Variants in TOP6BL observed in about 807,000 individuals in gnomAD.
TOP6BL encodes the protein type 2 DNA topoisomerase 6 subunit B-like.
chr11:66,811,245 G>A, the TOP6BL span, among the ~76,000 whole-genome samples: 1 of 152,096 alleles, frequency 6.6e-6, no homozygotes, highest in Non-Finnish European at 1.5e-5. Context: ...TCAGCTTACT[G>A]CAACCTCTGC....
At chr11:66,758,170 T>C in the TOP6BL span, 14 of 981,004 alleles carry the variant, frequency 1.4e-5, no homozygotes, top group South Asian at 5.2e-4. Context: ...GTTCTGATCT[T>C]TTTGTCCCCT....
chr11:66,791,823 T>A, the TOP6BL span, among the ~76,000 whole-genome samples: 1 of 151,464 alleles, frequency 6.6e-6, no homozygotes, highest in Non-Finnish European at 1.5e-5. Flanking sequence ...TAATAATTTT[T>A]TTTTTTTTTT....
At chr11:66,843,087 G>A in the TOP6BL span, 2 of 1,585,008 alleles carry the variant, frequency 1.3e-6, no homozygotes, top group South Asian at 1.1e-5. Context: ...GGCGAGGGCC[G>A]CGCAGGGAAG....
the TOP6BL span, among the ~76,000 whole-genome samples, chr11:66,763,141 C>T: frequency 2.0e-5 from 3 of 152,174 alleles, no homozygotes; most frequent in Non-Finnish European, 2.9e-5. Flanking sequence ...TTTGAGGCTG[C>T]AGTGAGCTAT....
At chr11:66,788,232 A>G in the TOP6BL span, 1 of 1,613,852 alleles carries the variant, frequency 6.2e-7, no homozygotes. Context: ...TATTCTCAGG[A>G]TATGACAGGG....
At chr11:66,827,038 A>G in the TOP6BL span, among the ~76,000 whole-genome samples, 86 of 126,936 alleles carry the variant, frequency 6.8e-4, no homozygotes, top group Middle Eastern at 5.2e-3. Flanking sequence ...CTGGAGTGCA[A>G]TGGCGCGATC....
chr11:66,803,569 C>T, the TOP6BL span, among the ~76,000 whole-genome samples: 1 of 152,192 alleles, frequency 6.6e-6, no homozygotes. Context: ...GCTGGGATTA[C>T]AGGTGTGCAC....
At chr11:66,768,905 C>G in the TOP6BL span, among the ~76,000 whole-genome samples, 1 of 152,198 alleles carries the variant, frequency 6.6e-6, no homozygotes, top group Non-Finnish European at 1.5e-5. Context: ...GGCTCATTCT[C>G]TGGCTGAGTG....
chr11:66,782,148 CT>C, the TOP6BL span, among the ~76,000 whole-genome samples: 1 of 152,084 alleles, frequency 6.6e-6, no homozygotes, highest in Non-Finnish European at 1.5e-5. Flanking sequence ...TGGCTTTAGA[CT>C]TTTTTGGGGT....
chr11:66,811,114 T>C, the TOP6BL span, among the ~76,000 whole-genome samples: 1 of 152,072 alleles, frequency 6.6e-6, no homozygotes, highest in Non-Finnish European at 1.5e-5. Context: ...CCACCATACC[T>C]GGCTAATTTT....
chr11:66,790,978 G>A, the TOP6BL span, among the ~76,000 whole-genome samples: 2 of 152,214 alleles, frequency 1.3e-5, no homozygotes, highest in Admixed American at 1.3e-4. Context: ...AGGGAACAAG[G>A]ATTTCCTCAT....
At chr11:66,771,875 C>A in the TOP6BL span, among the ~76,000 whole-genome samples, 1 of 152,292 alleles carries the variant, frequency 6.6e-6, no homozygotes, top group South Asian at 2.1e-4. Flanking sequence ...GTCAAATGCA[C>A]TGCCAGAACA....
At chr11:66,745,321 A>T in the TOP6BL span, among the ~76,000 whole-genome samples, 2 of 91,088 alleles carry the variant, frequency 2.2e-5, no homozygotes. Context: ...GGGTGGGGGG[A>T]GTCGGGGCGC....
chr11:66,794,830 T>A, the TOP6BL span, among the ~76,000 whole-genome samples: 9 of 152,086 alleles, frequency 5.9e-5, no homozygotes, highest in East Asian at 1.9e-4. Flanking sequence ...TGAGCCTTTT[T>A]AAAAAAATCT....
At chr11:66,816,231 G>C in the TOP6BL span, 1 of 1,588,046 alleles carries the variant, frequency 6.3e-7, no homozygotes, top group South Asian at 1.1e-5. Flanking sequence ...TGCCAGCTGG[G>C]GTGTGCCAAA....
chr11:66,832,369 G>A, the TOP6BL span, among the ~76,000 whole-genome samples: 2 of 152,164 alleles, frequency 1.3e-5, no homozygotes, highest in Non-Finnish European at 2.9e-5. Flanking sequence ...CAAAGTGCTG[G>A]GATTACAGGC....
chr11:66,751,125 C>T, the TOP6BL span, among the ~76,000 whole-genome samples: 1 of 151,976 alleles, frequency 6.6e-6, no homozygotes, highest in Non-Finnish European at 1.5e-5. Context: ...AGGTGATCCT[C>T]CCACCTCAGC....
the TOP6BL span, among the ~76,000 whole-genome samples, chr11:66,808,152 A>G: frequency 6.6e-6 from 1 of 152,240 alleles, no homozygotes; most frequent in African/African-American, 2.4e-5. Flanking sequence ...AGAAAGGACA[A>G]GATAATATGA....
At chr11:66,794,940 CT>C in the TOP6BL span, among the ~76,000 whole-genome samples, 2 of 152,186 alleles carry the variant, frequency 1.3e-5, no homozygotes, top group Non-Finnish European at 2.9e-5. Flanking sequence ...CGAGACCAGC[CT>C]GGCCAACATG....
Sources: allele counts gnomAD v4.1 joint callset (sites outside exome capture counted in the v4.1 genomes callset), GRCh38; gene constraint gnomAD v4.1.1; transcripts MANE v1.5; gene names NCBI Gene and HGNC (gene_info 2026-07-23, HGNC 2026-07-21).